The following SRBD1 variants were observed in gnomAD, a reference collection of about 807,000 sequenced individuals.
SRBD1 encodes S1 RNA binding domain 1, also known as S1 RNA-binding domain-containing protein 1.
SRBD1 carries 88 observed loss-of-function variants against 115.3 expected under a neutral mutation model. The observed-to-expected ratio is 0.76, with a 90% CI of 0.64 to 0.91. SRBD1 has a LOEUF of 0.91. Among genes scored for constraint, SRBD1 ranks in the 40% least tolerant of loss-of-function variants. The pLI is 0.00. For synonymous variants in SRBD1, 509 were observed against 407.7 expected (o/e 1.25, Z -2.99); for missense variants, 1,385 against 1,177.4 (o/e 1.18, Z -2.58).
chr2:45,610,976 G>A (rs1038638295), intron 1 of SRBD1, among the ~76,000 whole-genome samples: 3 of 151,902 alleles, frequency 2.0e-5, no homozygotes, highest in Admixed American at 2.0e-4. Context: ...TCTGTTATGC[G>A]CTAAGAGCTG....
At chr2:45,600,574 G>C (rs1369353490) in intron 3 of SRBD1, among the ~76,000 whole-genome samples, 1 of 152,140 alleles carries the variant, frequency 6.6e-6, no homozygotes, top group Non-Finnish European at 1.5e-5. Flanking sequence ...AATGATAGCA[G>C]GCTAATGTCA....
chr2:45,602,777 T>A (rs1215796333), intron 2 of SRBD1, among the ~76,000 whole-genome samples: 3 of 152,182 alleles, frequency 2.0e-5, no homozygotes, highest in Non-Finnish European at 2.9e-5. Context: ...ATTTCTACTC[T>A]AATGTAAAAG....
intron 16 of SRBD1, among the ~76,000 whole-genome samples, chr2:45,431,338 G>A (rs35802208): frequency 0.086 from 13,042 of 152,140 alleles, 706 homozygotes; most frequent in Middle Eastern, 0.14. Flanking sequence ...ACATGCACAC[G>A]TATGTTTATT....
intron 17 of SRBD1, among the ~76,000 whole-genome samples, chr2:45,419,286 G>A (rs1001171556): frequency 5.9e-5 from 9 of 152,184 alleles, no homozygotes; most frequent in Non-Finnish European, 1.2e-4. Flanking sequence ...CAAAAAAGCA[G>A]CTCTTCTAAA....
At chr2:45,554,478 T>C (rs1035654734) in intron 10 of SRBD1, among the ~76,000 whole-genome samples, 1 of 152,190 alleles carries the variant, frequency 6.6e-6, no homozygotes, top group Non-Finnish European at 1.5e-5. Context: ...AAGCAGAAAC[T>C]CTGTTTCAAC....
chr2:45,422,603 T>A (rs974710692), intron 16 of SRBD1, among the ~76,000 whole-genome samples: 1 of 152,222 alleles, frequency 6.6e-6, no homozygotes. Context: ...GAATACAACA[T>A]AAATTGGTCA....
chr2:45,401,343 C>T (rs1667287372), intron 19 of SRBD1, among the ~76,000 whole-genome samples: 1 of 152,106 alleles, frequency 6.6e-6, no homozygotes, highest in Non-Finnish European at 1.5e-5. Context: ...TTAGGTTTGG[C>T]CTCTCTTTTA....
intron 16 of SRBD1, 101 bp downstream of exon 16, chr2:45,476,892 A>G: frequency 9.6e-7 from 1 of 1,037,962 alleles, no homozygotes; most frequent in Non-Finnish European, 1.5e-6. Context: ...AACCTTGAAA[A>G]TGGGAATCTA....
At chr2:45,471,601 AG>A (rs1248807830) in intron 16 of SRBD1, among the ~76,000 whole-genome samples, 3 of 152,192 alleles carry the variant, frequency 2.0e-5, no homozygotes, top group Non-Finnish European at 4.4e-5. Context: ...TGCTAGAAAT[AG>A]TAATTTAGAC....
chr2:45,538,075 CG>C (rs990636629), intron 14 of SRBD1, among the ~76,000 whole-genome samples: 4 of 152,068 alleles, frequency 2.6e-5, no homozygotes, highest in African/African-American at 9.7e-5. Context: ...GACTGAGCAG[CG>C]AAGTAACGCA....
intron 16 of SRBD1, among the ~76,000 whole-genome samples, chr2:45,421,510 C>CAAAAAAAAAAAAAAAAAAA (rs869298079): frequency 9.0e-5 from 2 of 22,292 alleles, no homozygotes; most frequent in Non-Finnish European, 1.5e-4. Flanking sequence ...CCGTCTCAAA[C>CAAAAAAAAAAAAAAAAAAA]AAAAAAAAAA....
intron 12 of SRBD1, among the ~76,000 whole-genome samples, chr2:45,549,516 G>A (rs1672227873): frequency 6.6e-6 from 1 of 151,588 alleles, no homozygotes; most frequent in Non-Finnish European, 1.5e-5. Flanking sequence ...AGAAAGATGT[G>A]CCTAATGTAT....
At chr2:45,437,683 G>A (rs550223164) in intron 16 of SRBD1, among the ~76,000 whole-genome samples, 54 of 152,258 alleles carry the variant, frequency 3.5e-4, no homozygotes, top group African/African-American at 1.2e-3. Context: ...AACCAAGATC[G>A]TGCCACTGCA....
intron 3 of SRBD1, among the ~76,000 whole-genome samples, chr2:45,601,676 C>T (rs1348284313): frequency 6.6e-6 from 1 of 152,204 alleles, no homozygotes; most frequent in Admixed American, 6.5e-5. Flanking sequence ...TTGCTAATGC[C>T]ACCATCATTA....
chr2:45,509,561 A>T (rs1027379310), intron 14 of SRBD1, among the ~76,000 whole-genome samples: 3 of 130,822 alleles, frequency 2.3e-5, no homozygotes, highest in Non-Finnish European at 5.0e-5. Flanking sequence ...GCACCACTGC[A>T]CTCCAGCCTG....
intron 19 of SRBD1, among the ~76,000 whole-genome samples, chr2:45,401,824 AAG>A (rs1446195388): frequency 3.3e-5 from 5 of 152,182 alleles, no homozygotes; most frequent in African/African-American, 1.2e-4. Flanking sequence ...CAAATCTGTG[AAG>A]AGTCAATGGT....
At chr2:45,580,973 G>C (rs1226761352) in intron 6 of SRBD1, among the ~76,000 whole-genome samples, 1 of 151,854 alleles carries the variant, frequency 6.6e-6, no homozygotes, top group Non-Finnish European at 1.5e-5. Context: ...TTGAGCCACC[G>C]CGCCCAGCCA....
intron 19 of SRBD1, among the ~76,000 whole-genome samples, chr2:45,400,029 G>A (rs1485645046): frequency 6.6e-6 from 1 of 152,096 alleles, no homozygotes; most frequent in Non-Finnish European, 1.5e-5. Context: ...ACTCTTCCTT[G>A]GGAAACAGCC....
intron 14 of SRBD1, among the ~76,000 whole-genome samples, chr2:45,499,719 T>C (rs1395489759): frequency 4.6e-5 from 7 of 152,276 alleles, no homozygotes; most frequent in East Asian, 1.9e-4. Context: ...CAAATGGATA[T>C]CCAGTTTTCC....
Sources: allele counts gnomAD v4.1 joint callset (sites outside exome capture counted in the v4.1 genomes callset), GRCh38; gene constraint gnomAD v4.1.1; transcripts MANE v1.5; gene names NCBI Gene and HGNC (gene_info 2026-07-23, HGNC 2026-07-21).